Variants in ZFP1 observed in about 807,000 individuals in gnomAD.
ZFP1 encodes ZFP1 zinc finger protein.
In ZFP1, 32 loss-of-function variants were observed where a neutral mutation model predicts 38.5. That is an observed-to-expected ratio of 0.83 (90% CI 0.63 to 1.12). ZFP1 has a LOEUF of 1.12. Among genes scored for constraint, ZFP1 ranks in the 50% most tolerant of loss-of-function variants. The pLI is 0.00. For missense variants in ZFP1, 616 were observed against 480.8 expected (o/e 1.28, Z -2.63); for synonymous variants, 245 against 168.8 (o/e 1.45, Z -3.50).
At chr16:75,120,040 C>A in the ZFP1 span, among the ~76,000 whole-genome samples, 84 of 152,290 alleles carry the variant, frequency 5.5e-4, no homozygotes, top group African/African-American at 1.9e-3. Context: ...TTTGTCCTAG[C>A]TGAAATATGG....
chr16:75,150,771 A>G (rs533092324), intron 1 of ZFP1, among the ~76,000 whole-genome samples: 13 of 152,174 alleles, frequency 8.5e-5, no homozygotes, highest in Admixed American at 7.2e-4. Flanking sequence ...CTCTCTGGGT[A>G]ACTGTTTCGT....
chr16:75,142,057 GAA>G, the ZFP1 span, among the ~76,000 whole-genome samples: 6,986 of 118,934 alleles, frequency 0.059, 582 homozygotes, highest in African/African-American at 0.2. Context: ...CCATCTCAAA[GAA>G]AAAAAAAAAA....
chr16:75,141,998 G>A, the ZFP1 span, among the ~76,000 whole-genome samples: 1 of 149,992 alleles, frequency 6.7e-6, no homozygotes, highest in Admixed American at 6.7e-5. Flanking sequence ...ACATTGCCGT[G>A]AGCCGAGATC....
At chr16:75,129,485 A>G in the ZFP1 span, among the ~76,000 whole-genome samples, 10 of 152,198 alleles carry the variant, frequency 6.6e-5, no homozygotes, top group East Asian at 1.9e-3. Flanking sequence ...ATTCAAAGTC[A>G]CCCCTCTGCT....
intron 1 of ZFP1, among the ~76,000 whole-genome samples, chr16:75,149,557 CTTTTTTTT>C (rs34371791): frequency 5.9e-5 from 6 of 101,766 alleles, no homozygotes; most frequent in Non-Finnish European, 1.1e-4. Context: ...TCTTTACTTT[CTTTTTTTT>C]TTTTTTTTTT....
chr16:75,125,984 A>G, the ZFP1 span, among the ~76,000 whole-genome samples: 2 of 147,446 alleles, frequency 1.4e-5, no homozygotes, highest in Non-Finnish European at 3.0e-5. Flanking sequence ...CAGAGGTTGC[A>G]GTGAGCAGTG....
chr16:75,128,319 C>G, the ZFP1 span, among the ~76,000 whole-genome samples: 5 of 152,170 alleles, frequency 3.3e-5, no homozygotes, highest in Non-Finnish European at 7.4e-5. Context: ...TAAAAAAAGT[C>G]TTATCTGAGA....
At chr16:75,138,110 C>G in the ZFP1 span, among the ~76,000 whole-genome samples, 13 of 132,710 alleles carry the variant, frequency 9.8e-5, no homozygotes, top group African/African-American at 3.6e-4. Context: ...GATCTTGGCT[C>G]ACTGCAACCT....
At chr16:75,165,556 G>A (rs1007010047) in intron 2 of ZFP1, among the ~76,000 whole-genome samples, 4 of 151,760 alleles carry the variant, frequency 2.6e-5, no homozygotes, top group Admixed American at 2.6e-4. Flanking sequence ...TACCACACCC[G>A]GATAATTTTT....
intron 1 of ZFP1, among the ~76,000 whole-genome samples, chr16:75,151,164 T>C (rs969368859): frequency 6.6e-6 from 1 of 152,058 alleles, no homozygotes; most frequent in Non-Finnish European, 1.5e-5. Context: ...TGACCCTCTT[T>C]TTCCATTCTT....
upstream of ZFP1, among the ~76,000 whole-genome samples, chr16:75,146,083 G>A (rs935773131): frequency 6.6e-6 from 1 of 152,070 alleles, no homozygotes; most frequent in East Asian, 1.9e-4. Flanking sequence ...AGCTAGCCAC[G>A]ACAAGTCCCG....
the ZFP1 span, among the ~76,000 whole-genome samples, chr16:75,130,108 T>G: frequency 2.6e-5 from 4 of 151,990 alleles, no homozygotes; most frequent in Non-Finnish European, 4.4e-5. Context: ...GTAATTCTCC[T>G]GCCTCAGCCT....
At chr16:75,121,420 C>T in the ZFP1 span, among the ~76,000 whole-genome samples, 15 of 152,236 alleles carry the variant, frequency 9.9e-5, no homozygotes, top group South Asian at 6.2e-4. Context: ...CCACCACACC[C>T]GGCAAATTTC....
At position 75,170,332 on chromosome 16, in the gene ZFP1, T is replaced by C. The variant is rs1253691939; in HGVS notation, c.1222T>C (p.Ter408ArgextTer49). The C allele has an allele frequency of 1.3e-6, 2 of 1,566,398 alleles. No individual in the cohort carries two copies. The highest frequency in any genetic ancestry group is 1.7e-6 in the Non-Finnish European group (2 of 1,155,870). The change falls in exon 4 of 4, where the codon TGA becomes CGA. Residue 408 changes from the stop codon to arginine (R), a stop_lost. Transcript: ENST00000570010. ...GAGAGTTCACATCGGGGAGAAACCC[T>C]GAAACTCCAGCCAGGTCTTACTGTG... ...HQRVHIGEKP[*>R]
At chr16:75,132,649 T>C in the ZFP1 span, 1 of 126,388 alleles carries the variant, frequency 7.9e-6, no homozygotes, top group African/African-American at 2.9e-5. Flanking sequence ...TTTCATTTCA[T>C]TTCTTTTTTT....
intron 1 of ZFP1, among the ~76,000 whole-genome samples, chr16:75,151,047 C>G (rs562211173): frequency 2.6e-5 from 4 of 152,056 alleles, no homozygotes; most frequent in East Asian, 3.9e-4. Context: ...TTTGTAGAGA[C>G]GAGGTTTTGC....
intron 3 of ZFP1, among the ~76,000 whole-genome samples, 198 bp downstream of exon 3, chr16:75,167,094 C>G (rs2038131410): frequency 2.0e-5 from 3 of 152,192 alleles, no homozygotes. Context: ...CAATTAGGAG[C>G]TATGTCCCAT....
At chr16:75,130,113 C>T in the ZFP1 span, among the ~76,000 whole-genome samples, 2 of 152,162 alleles carry the variant, frequency 1.3e-5, no homozygotes, top group East Asian at 3.9e-4. Flanking sequence ...TCTCCTGCCT[C>T]AGCCTCTCCA....
rs751000808 is a variant in ZFP1, at chr16:75,169,482, A to G, written c.372A>G (p.Arg124=). Reference sequence around the variant, plus strand: ...ATTCAGACTTGCTTAATAGTAATAGAAGCTATGCAGGAAAGCAGACTGATG... The same window carrying G: ...ATTCAGACTTGCTTAATAGTAATAGGAGCTATGCAGGAAAGCAGACTGATG... ...KYNSDLLNSN[R]SYAGKQTDEC... is the part of the protein sequence containing the mutation. The change falls in exon 4 of 4, where the codon AGA becomes AGG. Residue 124 remains arginine (R), a synonymous_variant. Coordinates refer to ENST00000570010, the MANE Select transcript of ZFP1 (RefSeq NM_153688.4). The G allele has an allele frequency of 1.2e-6, 2 of 1,613,014 alleles. No homozygotes were observed. The highest frequency in any genetic ancestry group is 2.7e-5 in the African/African-American group (2 of 74,896).
Sources: allele counts gnomAD v4.1 joint callset (sites outside exome capture counted in the v4.1 genomes callset), GRCh38; gene constraint gnomAD v4.1.1; transcripts MANE v1.5; gene names NCBI Gene and HGNC (gene_info 2026-07-23, HGNC 2026-07-21).